The following CANX variants were observed in gnomAD, a reference collection of about 807,000 sequenced individuals.
CANX encodes the protein epididymis secretory sperm binding protein.
CANX carries 14 observed loss-of-function variants against 75.7 expected under a neutral mutation model. The observed-to-expected ratio is 0.19, with a 90% CI of 0.12 to 0.29. CANX has a LOEUF of 0.29. CANX is among the 10% of genes least tolerant of loss of function. The probability of loss-of-function intolerance (pLI) is 1.00; values close to 1 mark genes in which losing one functional copy is unlikely to be tolerated. For missense variants in CANX, 567 were observed against 713.2 expected, an observed-to-expected ratio of 0.79 and a Z score of 2.34; for synonymous variants, 227 against 236.9, an observed-to-expected ratio of 0.96 and a Z score of 0.38.
rs747313211 is a variant in CANX, at chr5:179,724,748, A to G, written c.1610A>G (p.Lys537Arg). The change falls in exon 13 of 15, where the codon AAG becomes AGG. Residue 537 changes from lysine to arginine, a missense_variant. Transcript: ENST00000247461. ...GAAGAGAAGGAAGAGGAAAAGGACA[A>G]GGGAGATGAGGAGGAGGAAGGAGAA... ...EEEEKEEEKD[K>R]GDEEEEGEEK... 3.7e-6 allele frequency: 6 copies of G among 1,612,030 alleles called. No individual in the cohort carries two copies. Among genetic ancestry groups the G allele is most frequent in the Non-Finnish European group, 5.1e-6 (6 of 1,178,220 alleles).
intron 1 of CANX, among the ~76,000 whole-genome samples, chr5:179,691,315 A>T (rs6872508): frequency 6.6e-6 from 1 of 152,054 alleles, no homozygotes; most frequent in South Asian, 2.1e-4. Context: ...GTGAGCCATC[A>T]TGCCTGGCCT....
chr5:179,725,304 T>G (rs528053610), intron 13 of CANX, among the ~76,000 whole-genome samples: 1 of 151,966 alleles, frequency 6.6e-6, no homozygotes, highest in Non-Finnish European at 1.5e-5. Context: ...CCTCCCAGAT[T>G]CAAGCGATTC....
In CANX at chr5:179,716,485, A is replaced by G. The variant is rs1223581429; in HGVS notation, c.911+191A>G. Among the ~76,000 whole-genome samples the G allele has an allele frequency of 4.6e-5, 7 of 152,152 alleles. No homozygotes were observed. In the East Asian group the frequency reaches 7.7e-4, roughly 17 times the overall value. On this transcript the variant is annotated intron_variant, in intron 8 of 14. Coordinates refer to ENST00000247461, the MANE Select transcript of CANX (RefSeq NM_001746.4). Reference sequence around the variant, plus strand: ...GTGTAATCATCTGGATTGACTCACCATTTTACAAGCCACAGAATGCCACAC... The same window carrying G: ...GTGTAATCATCTGGATTGACTCACCGTTTTACAAGCCACAGAATGCCACAC...
chr5:179,726,835 T>G, intron 14 of CANX, 76 bp downstream of exon 14: 1 of 1,090,914 alleles, frequency 9.2e-7, no homozygotes, highest in Non-Finnish European at 1.4e-6. Context: ...TTTAATAGGG[T>G]AGTTTACAGT....
chr5:179,708,429 A>G, intron 5 of CANX, 49 bp downstream of exon 5: 1 of 1,538,560 alleles, frequency 6.5e-7, no homozygotes, highest in Non-Finnish European at 8.9e-7. Flanking sequence ...GGGTAATCTT[A>G]GAAGACATTA....
At chr5:179,685,389 C>T (rs1193717715) in intron 1 of CANX, among the ~76,000 whole-genome samples, 1 of 151,706 alleles carries the variant, frequency 6.6e-6, no homozygotes, top group Non-Finnish European at 1.5e-5. Context: ...GCTGGGATTA[C>T]AAGCATGTGC....
At chr5:179,703,248 G>T (rs1320795931) in intron 1 of CANX, among the ~76,000 whole-genome samples, 10 of 149,528 alleles carry the variant, frequency 6.7e-5, no homozygotes, top group African/African-American at 2.5e-4. Flanking sequence ...TTGAGGTGGA[G>T]TCTCTGTGGC....
intron 7 of CANX, among the ~76,000 whole-genome samples, chr5:179,711,055 C>G (rs1389607545): frequency 6.6e-6 from 1 of 151,450 alleles, no homozygotes; most frequent in African/African-American, 2.4e-5. Flanking sequence ...AGATTCTGTA[C>G]CCCCTCCACG....
intron 7 of CANX, chr5:179,715,869 ATTTT>A: frequency 1.7e-6 from 1 of 572,888 alleles, no homozygotes; most frequent in Non-Finnish European, 3.2e-6. Flanking sequence ...GGTGTTAAAG[ATTTT>A]AACTATCATT....
At chr5:179,717,629 G>A (rs1305936461) in intron 8 of CANX, among the ~76,000 whole-genome samples, 1 of 151,806 alleles carries the variant, frequency 6.6e-6, no homozygotes, top group Non-Finnish European at 1.5e-5. Context: ...GGACATTTAG[G>A]TTGTTTGCTC....
intron 7 of CANX, among the ~76,000 whole-genome samples, chr5:179,711,852 C>T (rs965044631): frequency 6.0e-5 from 9 of 149,896 alleles, no homozygotes; most frequent in South Asian, 2.1e-4. Context: ...AATCCCAGCA[C>T]GATGGGAGGC....
intron 13 of CANX, among the ~76,000 whole-genome samples, chr5:179,725,941 TTG>T (rs1435775850): frequency 4.0e-5 from 6 of 149,496 alleles, no homozygotes; most frequent in South Asian, 2.1e-4. Context: ...TGAGCCGAGA[TTG>T]CGCCACTGCA....
At chr5:179,692,506 G>T (rs1237462894) in intron 1 of CANX, among the ~76,000 whole-genome samples, 1 of 151,888 alleles carries the variant, frequency 6.6e-6, no homozygotes, top group Non-Finnish European at 1.5e-5. Flanking sequence ...CAGCCCCTGA[G>T]CAACAAAGAG....
intron 1 of CANX, among the ~76,000 whole-genome samples, chr5:179,692,573 A>G (rs1776316797): frequency 1.3e-5 from 2 of 151,612 alleles, no homozygotes; most frequent in African/African-American, 2.4e-5. Flanking sequence ...TGCCCAGGCT[A>G]GTGGAGTGCA....
intron 1 of CANX, chr5:179,700,086 C>G (rs951860676): frequency 6.6e-6 from 1 of 152,122 alleles, no homozygotes. Context: ...GCCTTTGGAC[C>G]AATACACTGC....
At position 179,724,519 on chromosome 5, in the gene CANX, A is replaced by G. The variant is rs1178249716; in HGVS notation, c.1519-138A>G. ...CACGTACATACACGCTCTTCAGGGT[A>G]GGAATTACATCCTATTCGTTTCTGT... On this transcript the variant is annotated intron_variant, in intron 12 of 14. Coordinates refer to ENST00000247461, the MANE Select transcript of CANX (RefSeq NM_001746.4). 1.1e-5 allele frequency: 7 copies of G among 657,070 alleles called. No individual in the cohort carries two copies. In the East Asian group the frequency reaches 1.4e-4, roughly 13 times the overall value. The allele number at this position is 657,070 out of a possible 1,614,324, so 40.7% of individuals were successfully genotyped here. A position where few individuals can be genotyped will look rare whatever the true frequency, so the allele number is the denominator to read the frequency against.
upstream of CANX, among the ~76,000 whole-genome samples, chr5:179,696,229 T>C (rs1278209737): frequency 6.6e-6 from 1 of 151,540 alleles, no homozygotes; most frequent in Non-Finnish European, 1.5e-5. Context: ...GATTCTTTGT[T>C]GAAAAAATCA....
At position 179,728,570 on chromosome 5, in the gene CANX, G is replaced by T. The variant is rs776667697; in HGVS notation, c.1726-21G>T. 3 of 1,440,508 alleles carry T rather than the reference G, an allele frequency of 2.1e-6. No homozygotes were observed. The South Asian group carries it at 3.5e-5, about 17-fold the overall frequency. The allele number at this position is 1,440,508 out of a possible 1,614,324, so 89.2% of individuals were successfully genotyped here. ...ATTTTTTAAATGTGCTAATTATAAT[G>T]AATTTCTTTTCAATCAATAGGAGGA... On this transcript the variant is annotated intron_variant, in intron 14 of 14. Transcript: ENST00000247461.
intron 13 of CANX, 101 bp downstream of exon 13, chr5:179,724,884 G>A: frequency 6.9e-7 from 1 of 1,444,910 alleles, no homozygotes; most frequent in Non-Finnish European, 9.2e-7. Flanking sequence ...AGGCGTGGTG[G>A]CTCAAGCCTG....
Sources: gnomAD v4.1 joint callset for allele counts (sites outside exome capture counted in the v4.1 genomes callset) on GRCh38, gnomAD v4.1.1 for gene constraint, MANE v1.5 for transcripts, NCBI Gene and HGNC (gene_info 2026-07-23, HGNC 2026-07-21) for gene names.